The following CYSLTR2 variants were observed in gnomAD, a reference collection of about 807,000 sequenced individuals.
CYSLTR2 encodes the protein G-protein coupled receptor GPCR21.
For missense variants in CYSLTR2, 398 were observed against 411.9 expected, an observed-to-expected ratio of 0.97 and a Z score of 0.29; for synonymous variants, 179 against 160.8, an observed-to-expected ratio of 1.11 and a Z score of -0.86.
At chr13:48,699,485 C>A (rs1954284398) in intron 4 of CYSLTR2, among the ~76,000 whole-genome samples, 1 of 152,124 alleles carries the variant, frequency 6.6e-6, no homozygotes, top group Non-Finnish European at 1.5e-5. Flanking sequence ...AGCAAAGACA[C>A]AACACACCAG....
rs747904416 is a variant in CYSLTR2 at position 48,706,804 on chromosome 13, C to G, written c.-1-13C>G. On this transcript the variant is annotated splice_polypyrimidine_tract_variant and intron_variant, in intron 4 of 4. Transcript: ENST00000682523. ...ACAAAGTAACTTTTTGTGTCTGTTT[C>G]TTTTTAACCCAGCATGGAGAGAAAA... 2 of 1,589,328 alleles carry G rather than the reference C, an allele frequency of 1.3e-6. No homozygotes were observed. Among genetic ancestry groups the G allele is most frequent in the Non-Finnish European group, 1.7e-6 (2 of 1,168,414 alleles).
intron 1 of CYSLTR2, among the ~76,000 whole-genome samples, chr13:48,662,145 A>G (rs565568957): frequency 6.6e-6 from 1 of 152,186 alleles, no homozygotes; most frequent in Non-Finnish European, 1.5e-5. Context: ...ACTTAACATA[A>G]TGTCCTCCAT....
intron 1 of CYSLTR2, among the ~76,000 whole-genome samples, chr13:48,678,261 A>C (rs889478413): frequency 3.3e-5 from 5 of 152,060 alleles, no homozygotes; most frequent in Non-Finnish European, 7.4e-5. Context: ...TGCCCACCTC[A>C]GCCTCCCAAA....
At chr13:48,704,348 C>T (rs1954426019) in intron 4 of CYSLTR2, among the ~76,000 whole-genome samples, 1 of 152,134 alleles carries the variant, frequency 6.6e-6, no homozygotes, top group Admixed American at 6.5e-5. Context: ...CATGGAGATA[C>T]AGCATCTCTA....
intron 1 of CYSLTR2, among the ~76,000 whole-genome samples, chr13:48,676,587 T>A (rs1276936937): frequency 6.6e-6 from 1 of 152,146 alleles, no homozygotes; most frequent in African/African-American, 2.4e-5. Context: ...GAATGTGAAG[T>A]ATAGAAGAGA....
At chr13:48,704,347 A>G (rs1954425941) in intron 4 of CYSLTR2, among the ~76,000 whole-genome samples, 1 of 152,186 alleles carries the variant, frequency 6.6e-6, no homozygotes, top group African/African-American at 2.4e-5. Flanking sequence ...ACATGGAGAT[A>G]CAGCATCTCT....
chr13:48,678,026 C>A (rs185688754), intron 1 of CYSLTR2, among the ~76,000 whole-genome samples: 1 of 152,184 alleles, frequency 6.6e-6, no homozygotes, highest in African/African-American at 2.4e-5. Context: ...CAAGCACCAC[C>A]ACATTTCTCC....
intron 1 of CYSLTR2, among the ~76,000 whole-genome samples, chr13:48,665,836 GACTT>G (rs980053228): frequency 4.0e-5 from 6 of 151,888 alleles, no homozygotes; most frequent in African/African-American, 9.7e-5. Flanking sequence ...GGGAGGTGAG[GACTT>G]ACTTCTATCA....
At chr13:48,703,189 G>T (rs1344900946) in intron 4 of CYSLTR2, among the ~76,000 whole-genome samples, 1 of 151,858 alleles carries the variant, frequency 6.6e-6, no homozygotes, top group Non-Finnish European at 1.5e-5. Context: ...TGTTTTCTTT[G>T]TGTGTGTGCA....
At chr13:48,690,790 C>T (rs1384789868) in intron 1 of CYSLTR2, among the ~76,000 whole-genome samples, 1 of 152,052 alleles carries the variant, frequency 6.6e-6, no homozygotes, top group Non-Finnish European at 1.5e-5. Flanking sequence ...GGGAGGAGTC[C>T]CTCTTTTTCT....
intron 2 of CYSLTR2, among the ~76,000 whole-genome samples, chr13:48,691,947 A>T (rs959140823): frequency 3.3e-5 from 5 of 152,082 alleles, no homozygotes; most frequent in African/African-American, 1.2e-4. Flanking sequence ...TTCAAAGGAT[A>T]TTGGAAAATC....
At chr13:48,654,253 G>T (rs1245920857) in intron 1 of CYSLTR2, among the ~76,000 whole-genome samples, 2 of 57,954 alleles carry the variant, frequency 3.5e-5, no homozygotes, top group African/African-American at 7.9e-5. Context: ...TCGTCCCTTT[G>T]TGTGTGTGTG....
At position 48,707,609 on chromosome 13, in the gene CYSLTR2, C is replaced by T. The variant is rs755327589; in HGVS notation, c.792C>T (p.His264=). 6.2e-7 allele frequency: 1 copy of T among 1,612,296 alleles called. No homozygotes were observed. Among genetic ancestry groups the T allele is most frequent in the South Asian group, 1.1e-5 (1 of 91,082 alleles). Residue 264 remains histidine (H), a synonymous_variant, in exon 5 of 5, where the codon CAC becomes CAT. Coordinates refer to ENST00000682523, the MANE Select transcript of CYSLTR2 (RefSeq NM_001308476.3). ...IIFFLCFLPY[H]TLRTVHLTTW... The stretch of plus-strand genomic sequence containing the variant: ...TCTTCTTGTGTTTCCTGCCCTATCA[C>T]ACACTGAGGACCGTCCACTTGACGA...
chr13:48,658,092 T>A (rs1953042824), intron 1 of CYSLTR2, among the ~76,000 whole-genome samples: 2 of 152,166 alleles, frequency 1.3e-5, no homozygotes. Context: ...TGACTCCCTT[T>A]TAGTTGTAAG....
chr13:48,660,403 A>G (rs1488815969), intron 1 of CYSLTR2, among the ~76,000 whole-genome samples: 1 of 152,174 alleles, frequency 6.6e-6, no homozygotes, highest in Non-Finnish European at 1.5e-5. Context: ...GCATTCAGAA[A>G]GCAAAGGGTC....
At chr13:48,669,241 T>C (rs1055850141) in intron 1 of CYSLTR2, among the ~76,000 whole-genome samples, 1 of 152,046 alleles carries the variant, frequency 6.6e-6, no homozygotes, top group Non-Finnish European at 1.5e-5. Context: ...GTAAGAGCAT[T>C]CCTATTTCTC....
chr13:48,703,195 G>T (rs963122566), intron 4 of CYSLTR2, among the ~76,000 whole-genome samples: 13 of 152,050 alleles, frequency 8.5e-5, no homozygotes, highest in African/African-American at 3.1e-4. Context: ...CTTTGTGTGT[G>T]TGCACGTATG....
rs960838597 is a variant in CYSLTR2, at chr13:48,709,100, C to T, written c.*1242C>T. The T allele has an allele frequency of 3.6e-5, 6 of 167,052 alleles. No individual in the cohort carries two copies. Among genetic ancestry groups the T allele is most frequent in the African/African-American group, 1.4e-4 (6 of 41,454 alleles). The allele number at this position is 167,052 out of a possible 1,614,324, so 10.3% of individuals were successfully genotyped here. A position where few individuals can be genotyped will look rare whatever the true frequency, so the allele number is the denominator to read the frequency against. On this transcript the variant is annotated 3_prime_UTR_variant, in exon 5 of 5. Coordinates refer to ENST00000682523, the MANE Select transcript of CYSLTR2 (RefSeq NM_001308476.3). Reference sequence around the variant, plus strand: ...AAATTAAGAAGCTTGTTTAAGTTTACACAGCTAGTAAGAGTTTTAAAAATC... The same window carrying T: ...AAATTAAGAAGCTTGTTTAAGTTTATACAGCTAGTAAGAGTTTTAAAAATC...
intron 4 of CYSLTR2, among the ~76,000 whole-genome samples, chr13:48,697,229 C>G (rs979050785): frequency 2.0e-5 from 3 of 152,108 alleles, no homozygotes; most frequent in African/African-American, 7.2e-5. Context: ...GGTCCCTGAC[C>G]CCCGAGTAGC....
Sources: gnomAD v4.1 joint callset for allele counts (sites outside exome capture counted in the v4.1 genomes callset) on GRCh38, gnomAD v4.1.1 for gene constraint, MANE v1.5 for transcripts, NCBI Gene and HGNC (gene_info 2026-07-23, HGNC 2026-07-21) for gene names.